ADAMTS17: variants seen among roughly 807,000 people sequenced by gnomAD.
ADAMTS17 encodes A disintegrin and metalloproteinase with thrombospondin motifs 17.
In ADAMTS17, 113 loss-of-function variants were observed where a neutral mutation model predicts 141.5. The ratio of observed to expected loss-of-function variants is 0.80; its 90% CI spans 0.69 to 0.93. ADAMTS17 has a LOEUF of 0.93. Ranked by LOEUF, ADAMTS17 falls within the 40% of genes least tolerant of loss-of-function variation. The pLI, the probability that ADAMTS17 is intolerant of heterozygous loss-of-function variation, is 0.00. For synonymous variants in ADAMTS17, 768 were observed against 630.6 expected (o/e 1.22, Z -3.27); for missense variants, 1,659 against 1,517.9 (o/e 1.09, Z -1.54).
At chr15:100,030,572 G>A (rs2030048769) in intron 18 of ADAMTS17, among the ~76,000 whole-genome samples, 1 of 152,108 alleles carries the variant, frequency 6.6e-6, no homozygotes, top group Non-Finnish European at 1.5e-5. Context: ...GAATGATGCT[G>A]AGACCCTCCC....
chr15:100,141,880 G>A (rs924910970), intron 10 of ADAMTS17, among the ~76,000 whole-genome samples: 1 of 152,234 alleles, frequency 6.6e-6, no homozygotes, highest in African/African-American at 2.4e-5. Flanking sequence ...GAGACAGGCA[G>A]GACAGCTTTC....
rs62043188 is a variant in ADAMTS17 at position 100,072,051 on chromosome 15, C to A, written c.2138-17997G>T. ...TCTCCTTGAGCTGATAGGCAACTTCCGCAAAGTCTGAGGATACAAAATCAA... is the reference window on the plus strand; with the variant it reads ...TCTCCTTGAGCTGATAGGCAACTTCAGCAAAGTCTGAGGATACAAAATCAA... On this transcript the variant is annotated intron_variant, in intron 15 of 21. Coordinates refer to ENST00000268070, the MANE Select transcript of ADAMTS17 (RefSeq NM_139057.4). Among the ~76,000 whole-genome samples the A allele has an allele frequency of 1.9e-3, 282 of 149,292 alleles. 16 individuals carry two copies. Among genetic ancestry groups the A allele is most frequent in the South Asian group, 3.6e-3 (17 of 4,742 alleles).
chr15:100,295,689 C>A (rs577884226), intron 3 of ADAMTS17, among the ~76,000 whole-genome samples: 1 of 152,296 alleles, frequency 6.6e-6, no homozygotes, highest in South Asian at 2.1e-4. Context: ...TATCAGCTTC[C>A]CTCTTTGCTC....
intron 7 of ADAMTS17, among the ~76,000 whole-genome samples, chr15:100,220,377 C>G (rs1291685160): frequency 6.6e-6 from 1 of 152,154 alleles, no homozygotes; most frequent in Non-Finnish European, 1.5e-5. Flanking sequence ...TCTTCTTTCC[C>G]CCGAACGCTT....
intron 12 of ADAMTS17, among the ~76,000 whole-genome samples, chr15:100,118,944 C>A (rs1417864419): frequency 6.6e-6 from 1 of 152,040 alleles, no homozygotes; most frequent in African/African-American, 2.4e-5. Context: ...ACAGGGTCAA[C>A]AGGGCACAGA....
chr15:100,188,444 T>C (rs532053808), intron 8 of ADAMTS17, among the ~76,000 whole-genome samples: 1 of 152,144 alleles, frequency 6.6e-6, no homozygotes, highest in Non-Finnish European at 1.5e-5. Flanking sequence ...TTTGGGAATT[T>C]TTAGGGAGAG....
In ADAMTS17 at chr15:100,341,283, G is replaced by T; in HGVS notation, c.206C>A (p.Pro69Gln). ...TCCGGGCCGGGCGCGCGGGGCGGCT[G>T]GGGGCGTGCGGGGGCGTCGCCGCCG... is the stretch of plus-strand genomic sequence containing the variant. ...PRRRRRPRTP[P>Q]AAPRARPGER... The change falls in exon 2 of 22, where the codon CCA (proline) becomes CAA (glutamine). Residue 69 changes from proline (P) to glutamine (Q), a missense_variant. Physicochemically the swap from Pro to Gln is moderately conservative, Grantham distance 76 (BLOSUM62 -1). Coordinates refer to ENST00000268070, the MANE Select transcript of ADAMTS17 (RefSeq NM_139057.4). 1 of 1,126,988 alleles carries T rather than the reference G, an allele frequency of 8.9e-7. No homozygotes were observed. Among genetic ancestry groups the T allele is most frequent in the Non-Finnish European group, 1.1e-6 (1 of 923,996 alleles). 69.8% of individuals were successfully genotyped at this position (1,126,988 alleles called of 1,614,324 possible). A position where few individuals can be genotyped will look rare whatever the true frequency, so the allele number is the denominator to read the frequency against.
In ADAMTS17 at chr15:100,195,649, C is replaced by G. The variant is rs569067333; in HGVS notation, c.1181+3669G>C. ...AAAAAAAAAAAAAGAAGCTGTCAAT[C>G]TCATCTCAAAAAAAAAAATCTGTCA... is the stretch of plus-strand genomic sequence containing the variant. On this transcript the variant is annotated intron_variant, in intron 8 of 21. Transcript: ENST00000268070. 4.1e-4 allele frequency among the ~76,000 whole-genome samples: 56 copies of G among 135,116 alleles called. No individual in the cohort carries two copies. The East Asian group carries it at 0.013, about 31-fold the overall frequency. The allele number at this position is 135,116 out of a possible 152,430, so 88.6% of individuals were successfully genotyped here. A position where few individuals can be genotyped will look rare whatever the true frequency, so the allele number is the denominator to read the frequency against.
rs1338964050 is a variant in ADAMTS17 at position 99,971,451 on chromosome 15, A to G, written c.*2951T>C. On this transcript the variant is annotated 3_prime_UTR_variant, in exon 22 of 22. Coordinates refer to ENST00000268070, the MANE Select transcript of ADAMTS17 (RefSeq NM_139057.4). ...CAGCTTTAAACTGTTATGGAAAAAC[A>G]TTTTATTACACATATTCAACTTGCT... is the stretch of plus-strand genomic sequence containing the variant. 3 of 152,206 alleles carry G rather than the reference A, an allele frequency of 2.0e-5. No homozygotes were observed. Among genetic ancestry groups the G allele is most frequent in the African/African-American group, 7.2e-5 (3 of 41,452 alleles). 9.4% of individuals were successfully genotyped at this position (152,206 alleles called of 1,614,324 possible).
At chr15:100,155,974 G>A (rs540737259) in intron 8 of ADAMTS17, among the ~76,000 whole-genome samples, 33 of 137,280 alleles carry the variant, frequency 2.4e-4, no homozygotes, top group Middle Eastern at 3.8e-3. Context: ...CATGCAGCAC[G>A]CAAGATCCAG....
intron 17 of ADAMTS17, 77 bp downstream of exon 17, chr15:100,051,495 C>G (rs201471122): frequency 1.7e-5 from 27 of 1,597,144 alleles, no homozygotes; most frequent in Admixed American, 3.3e-5. Flanking sequence ...TCACACTCTG[C>G]GTGCTGGCCA....
chr15:100,193,563 C>G (rs1384164267), intron 8 of ADAMTS17, among the ~76,000 whole-genome samples: 1 of 152,190 alleles, frequency 6.6e-6, no homozygotes, highest in Non-Finnish European at 1.5e-5. Flanking sequence ...CCGCGGTTCT[C>G]CACCTGGGAT....
chr15:100,232,417 T>C (rs574172694), intron 7 of ADAMTS17, among the ~76,000 whole-genome samples: 50 of 152,262 alleles, frequency 3.3e-4, no homozygotes, highest in African/African-American at 1.2e-3. Flanking sequence ...CTGATGGAGA[T>C]GAAAATAGTG....
intron 15 of ADAMTS17, among the ~76,000 whole-genome samples, chr15:100,089,044 G>C (rs2035285451): frequency 6.6e-6 from 1 of 151,724 alleles, no homozygotes; most frequent in Admixed American, 6.6e-5. Flanking sequence ...CCATCAGAGT[G>C]AACAGGCAAC....
At chr15:100,180,106 C>T (rs1380401782) in intron 8 of ADAMTS17, among the ~76,000 whole-genome samples, 1 of 152,180 alleles carries the variant, frequency 6.6e-6, no homozygotes, top group Admixed American at 6.5e-5. Flanking sequence ...TTGCCCAGAC[C>T]ACTGTCCTGG....
At position 99,972,674 on chromosome 15, in the gene ADAMTS17, G is replaced by A. The variant is rs1290392863; in HGVS notation, c.*1728C>T. The A allele has an allele frequency of 2.6e-5, 4 of 152,138 alleles. No individual in the cohort carries two copies. The highest frequency in any genetic ancestry group is 7.2e-5 in the African/African-American group (3 of 41,424). 9.4% of individuals were successfully genotyped at this position (152,138 alleles called of 1,614,324 possible). A position where few individuals can be genotyped will look rare whatever the true frequency, so the allele number is the denominator to read the frequency against. ...TGGGCCGCTCCATCCTGACACCCTC[G>A]GTTCTTTCCACAGAGCACCCACGGA... On this transcript the variant is annotated 3_prime_UTR_variant, in exon 22 of 22. Transcript: ENST00000268070.
intron 8 of ADAMTS17, among the ~76,000 whole-genome samples, chr15:100,196,826 AG>A (rs1349603410): frequency 4.6e-5 from 7 of 152,180 alleles, no homozygotes; most frequent in African/African-American, 1.7e-4. Context: ...GCTGACGGGG[AG>A]GACATAGCTT....
At chr15:99,992,990 C>G in intron 20 of ADAMTS17, 58 bp downstream of exon 20, 1 of 1,608,820 alleles carries the variant, frequency 6.2e-7, no homozygotes, top group Non-Finnish European at 8.5e-7. Context: ...GCTGAGTTCC[C>G]GACCCTCGAG....
rs750831099 is a variant in ADAMTS17, at chr15:100,152,744, G to A, written c.1341C>T (p.Cys447=). The A allele has an allele frequency of 8.7e-6, 14 of 1,614,110 alleles. No individual in the cohort carries two copies. The highest frequency in any genetic ancestry group is 1.3e-5 in the African/African-American group (1 of 74,948). ...GGCTTCTGGGGTCCGTGACTAGCAA[G>A]CAGGTGCTGACTTTTGACCTGAAAC... ...ENFLKSKVST[C]LLVTDPRSQH... is the part of the protein sequence containing the mutation. Residue 447 remains cysteine, a synonymous_variant, in exon 10 of 22, where the codon TGC becomes TGT. Transcript: ENST00000268070.
Sources: allele counts gnomAD v4.1 joint callset (sites outside exome capture counted in the v4.1 genomes callset), GRCh38; gene constraint gnomAD v4.1.1; transcripts MANE v1.5; gene names NCBI Gene and HGNC (gene_info 2026-07-23, HGNC 2026-07-21).